The following HS3ST4 variants were observed in gnomAD, a reference collection of about 807,000 sequenced individuals.
The protein encoded by HS3ST4 is heparan sulfate glucosamine 3-O-sulfotransferase 4.
A neutral mutation model predicts 29.2 loss-of-function variants in HS3ST4; 17 were observed. The ratio of observed to expected loss-of-function variants is 0.58; its 90% CI spans 0.40 to 0.87. HS3ST4 has a LOEUF of 0.87. HS3ST4 is among the 40% of genes least tolerant of loss of function. The pLI is 0.00. For synonymous variants in HS3ST4, 314 were observed against 285.7 expected (o/e 1.10, Z -1.00); for missense variants, 627 against 634.5 (o/e 0.99, Z 0.13).
intron 1 of HS3ST4, among the ~76,000 whole-genome samples, chr16:25,818,795 ATTTC>A (rs1377770366): frequency 6.6e-6 from 1 of 152,076 alleles, no homozygotes; most frequent in African/African-American, 2.4e-5. Flanking sequence ...TTCAGTTTTA[ATTTC>A]TTTCTATTTT....
At chr16:26,123,064 AAAACC>A (rs1899297505) in intron 1 of HS3ST4, among the ~76,000 whole-genome samples, 1 of 151,514 alleles carries the variant, frequency 6.6e-6, no homozygotes, top group African/African-American at 2.4e-5. Flanking sequence ...AAAAAAAAAA[AAAACC>A]GGGGGCTTGA....
intron 1 of HS3ST4, among the ~76,000 whole-genome samples, chr16:26,113,769 C>T (rs949070974): frequency 6.6e-6 from 1 of 152,094 alleles, no homozygotes; most frequent in Non-Finnish European, 1.5e-5. Flanking sequence ...TTCCTCCTGA[C>T]CCACACCCCA....
At chr16:25,998,727 G>T (rs763454670) in intron 1 of HS3ST4, among the ~76,000 whole-genome samples, 1 of 151,772 alleles carries the variant, frequency 6.6e-6, no homozygotes, top group Non-Finnish European at 1.5e-5. Context: ...TGAATTCATA[G>T]TCAAAATTTG....
intron 1 of HS3ST4, among the ~76,000 whole-genome samples, chr16:25,711,324 G>T (rs527787947): frequency 6.6e-6 from 1 of 152,172 alleles, no homozygotes; most frequent in East Asian, 1.9e-4. Flanking sequence ...ATGTGGGGCA[G>T]CTGAGGTAGG....
At chr16:26,115,529 A>G (rs569747935) in intron 1 of HS3ST4, among the ~76,000 whole-genome samples, 19 of 152,218 alleles carry the variant, frequency 1.2e-4, no homozygotes, top group African/African-American at 4.6e-4. Context: ...AGAAAAGCCA[A>G]TGGTACGTAT....
At chr16:25,710,711 T>C (rs890211415) in intron 1 of HS3ST4, among the ~76,000 whole-genome samples, 2 of 152,050 alleles carry the variant, frequency 1.3e-5, no homozygotes, top group African/African-American at 4.8e-5. Flanking sequence ...CAGAAACTTA[T>C]TTTATTTCAG....
chr16:25,719,976 T>A (rs1487230832), intron 1 of HS3ST4, among the ~76,000 whole-genome samples: 2 of 152,162 alleles, frequency 1.3e-5, no homozygotes, highest in African/African-American at 4.8e-5. Context: ...TTTCCGTGAG[T>A]GTTATACACA....
intron 1 of HS3ST4, among the ~76,000 whole-genome samples, chr16:25,870,279 G>A (rs1489618701): frequency 6.6e-6 from 1 of 151,992 alleles, no homozygotes; most frequent in African/African-American, 2.4e-5. Context: ...GGATACAACA[G>A]TGAATAAAAC....
At chr16:26,075,819 A>T (rs1364551051) in intron 1 of HS3ST4, among the ~76,000 whole-genome samples, 1 of 152,250 alleles carries the variant, frequency 6.6e-6, no homozygotes, top group African/African-American at 2.4e-5. Context: ...AGAATACATT[A>T]TCTGCTGCAA....
intron 1 of HS3ST4, among the ~76,000 whole-genome samples, chr16:25,862,796 A>T (rs1967652160): frequency 6.6e-6 from 1 of 152,256 alleles, no homozygotes; most frequent in Non-Finnish European, 1.5e-5. Context: ...CTCTTACAGA[A>T]GTGAAAATGT....
intron 1 of HS3ST4, among the ~76,000 whole-genome samples, chr16:26,072,400 G>A (rs919547466): frequency 1.3e-5 from 2 of 152,226 alleles, no homozygotes; most frequent in South Asian, 2.1e-4. Flanking sequence ...TGTGGGACAC[G>A]GAGCATCAGA....
intron 1 of HS3ST4, among the ~76,000 whole-genome samples, chr16:25,970,850 A>G (rs1567284327): frequency 1.3e-5 from 2 of 151,450 alleles, no homozygotes; most frequent in African/African-American, 4.9e-5. Flanking sequence ...TTGTACAAGC[A>G]TCCTTTCTTT....
intron 1 of HS3ST4, among the ~76,000 whole-genome samples, chr16:26,030,783 A>T (rs7200438): frequency 0.16 from 24,268 of 152,162 alleles, 3,561 homozygotes; most frequent in African/African-American, 0.39. Context: ...CATGCTTGAA[A>T]TTCATCTCTT....
intron 1 of HS3ST4, among the ~76,000 whole-genome samples, chr16:25,781,289 C>A (rs1966852355): frequency 6.6e-6 from 1 of 152,222 alleles, no homozygotes; most frequent in African/African-American, 2.4e-5. Context: ...TTGCTCATGA[C>A]TGCTGATGGG....
chr16:26,122,309 A>G (rs1488781463), intron 1 of HS3ST4, among the ~76,000 whole-genome samples: 1 of 152,194 alleles, frequency 6.6e-6, no homozygotes, highest in African/African-American at 2.4e-5. Context: ...TATTGAATTC[A>G]TAGTTACTAT....
At position 25,795,280 on chromosome 16, in the gene HS3ST4, G is replaced by A. The variant is rs557168166; in HGVS notation, c.734+102129G>A. Among the ~76,000 whole-genome samples, 7 of 151,684 alleles carry A rather than the reference G, an allele frequency of 4.6e-5. No homozygotes were observed. The South Asian group carries it at 1.0e-3, about 23-fold the overall frequency. On this transcript the variant is annotated intron_variant, in intron 1 of 1. Transcript: ENST00000331351. ...GCCACCGCACCTGGCCCCCCATCCC[G>A]CCTTTTCTTTTCTTTTCTCTTTTTT...
At chr16:25,732,295 G>A (rs751427033) in intron 1 of HS3ST4, among the ~76,000 whole-genome samples, 10 of 152,082 alleles carry the variant, frequency 6.6e-5, no homozygotes, top group East Asian at 1.9e-4. Context: ...ACTTTTTGGC[G>A]GCAGTTTAGA....
At chr16:25,858,282 T>A (rs1596593190) in intron 1 of HS3ST4, among the ~76,000 whole-genome samples, 1 of 152,080 alleles carries the variant, frequency 6.6e-6, no homozygotes, top group East Asian at 1.9e-4. Context: ...TTTCACTCGT[T>A]CATAGAAATA....
chr16:26,068,494 CCAGT>C lies in HS3ST4; in HGVS notation c.735-67114_735-67111del, dbSNP rs767941661. On this transcript the variant is annotated intron_variant, in intron 1 of 1. Coordinates refer to ENST00000331351, the MANE Select transcript of HS3ST4 (RefSeq NM_006040.3). ...AAGGGTCTTCCCCAAATTTACATAA[CCAGT>C]CAGAGTGTGAAAGAAAATTTGAACC... Among the ~76,000 whole-genome samples the C allele has an allele frequency of 9.2e-5, 14 of 152,250 alleles. No homozygotes were observed. The East Asian group carries it at 2.3e-3, about 25-fold the overall frequency.
Sources: gnomAD v4.1 joint callset for allele counts (sites outside exome capture counted in the v4.1 genomes callset) on GRCh38, gnomAD v4.1.1 for gene constraint, MANE v1.5 for transcripts, NCBI Gene and HGNC (gene_info 2026-07-23, HGNC 2026-07-21) for gene names.